SCNN1G: variants seen among roughly 807,000 people sequenced by gnomAD.
The protein encoded by SCNN1G is sodium channel epithelial 1 subunit gamma.
SCNN1G carries 27 observed loss-of-function variants against 64.6 expected under a neutral mutation model. That is an observed-to-expected ratio of 0.42 (90% CI 0.31 to 0.58). The LOEUF is 0.58. Among genes scored for constraint, SCNN1G ranks in the 20% least tolerant of loss-of-function variants. The probability of loss-of-function intolerance (pLI) is 0.18; values close to 1 mark genes in which losing one functional copy is unlikely to be tolerated. For missense variants in SCNN1G, 743 were observed against 823.4 expected (o/e 0.90, Z 1.19); for synonymous variants, 330 against 314.2 (o/e 1.05, Z -0.53).
intron 6 of SCNN1G, among the ~76,000 whole-genome samples, chr16:23,201,948 C>T: frequency 6.6e-6 from 1 of 152,172 alleles, no homozygotes; most frequent in East Asian, 1.9e-4. Context: ...TTCCAAGTAG[C>T]TGGGACCATA....
chr16:23,190,370 T>TG (rs1290426750), intron 3 of SCNN1G, among the ~76,000 whole-genome samples: 1 of 142,222 alleles, frequency 7.0e-6, no homozygotes, highest in Admixed American at 7.1e-5. Context: ...TTTTAAGTAG[T>TG]GGGGGGCAGA....
At chr16:23,189,709 G>A (rs371322647) in intron 3 of SCNN1G, 38 bp downstream of exon 3, 1 of 1,595,506 alleles carries the variant, frequency 6.3e-7, no homozygotes, top group African/African-American at 1.3e-5. Context: ...CTGCTTAGGG[G>A]CATGGGATGG....
At position 23,196,180 on chromosome 16, in the gene SCNN1G, C is replaced by G. The variant is rs146751790; in HGVS notation, c.914-1084C>G. ...GGGGGTTAGTTTGGATAAGAAGGCC[C>G]AGAAAGATCTCTAAGAGGAGGGCTA... is the stretch of plus-strand genomic sequence containing the variant. On this transcript the variant is annotated intron_variant, in intron 5 of 12. Coordinates refer to ENST00000300061, the MANE Select transcript of SCNN1G (RefSeq NM_001039.4). Among the ~76,000 whole-genome samples, 24 of 152,180 alleles carry G rather than the reference C, an allele frequency of 1.6e-4. No individual in the cohort carries two copies. The East Asian group carries it at 4.4e-3, about 28-fold the overall frequency.
Position 23,215,761 on chromosome 16 carries a change from G to C in SCNN1G, c.*292G>C, listed in dbSNP as rs1960151195. 3 of 497,952 alleles carry C rather than the reference G, an allele frequency of 6.0e-6. No homozygotes were observed. The highest frequency in any genetic ancestry group is 3.3e-5 in the Admixed American group (1 of 30,574). The allele number at this position is 497,952 out of a possible 1,614,324, so 30.8% of individuals were successfully genotyped here. Reference sequence around the variant, plus strand: ...AGCCGAGGCAGTGGTGCTGGCCCAAGTGAAGGCCAGAGTGAGGACTGATGC... The same window carrying C: ...AGCCGAGGCAGTGGTGCTGGCCCAACTGAAGGCCAGAGTGAGGACTGATGC... On this transcript the variant is annotated 3_prime_UTR_variant, in exon 13 of 13. Coordinates refer to ENST00000300061, the MANE Select transcript of SCNN1G (RefSeq NM_001039.4).
chr16:23,197,385 A>G lies in SCNN1G; in HGVS notation c.1035A>G (p.Thr345=). The change falls in exon 6 of 13, where the codon ACA becomes ACG. Residue 345 remains threonine (T), a synonymous_variant. Transcript: ENST00000300061. ...DEYPFVEDVG[T]EIETAMVTSI... is the part of the protein sequence containing the mutation. ...ATCCCTTCGTCGAAGATGTGGGAAC[A>G]GAGATTGAGACAGCAATGGTCACCT... The G allele has an allele frequency of 1.2e-6, 2 of 1,614,168 alleles. No homozygotes were observed. Among genetic ancestry groups the G allele is most frequent in the Non-Finnish European group, 1.7e-6 (2 of 1,179,980 alleles).
chr16:23,202,415 G>A (rs1449834266), intron 6 of SCNN1G, among the ~76,000 whole-genome samples: 1 of 152,060 alleles, frequency 6.6e-6, no homozygotes, highest in Non-Finnish European at 1.5e-5. Context: ...TGGATGCCCA[G>A]ACAGAAGCTA....
chr16:23,187,314 A>C (rs1275560150), intron 2 of SCNN1G, among the ~76,000 whole-genome samples: 1 of 151,718 alleles, frequency 6.6e-6, no homozygotes, highest in Non-Finnish European at 1.5e-5. Flanking sequence ...TCGCTATGTT[A>C]CTCAGGCTGG....
At position 23,212,936 on chromosome 16, in the gene SCNN1G, C is replaced by G. The variant is rs547652150; in HGVS notation, c.1431+42C>G. On this transcript the variant is annotated intron_variant, in intron 10 of 12. Transcript: ENST00000300061. ...ACCCTTCCCCACTGAAGCCCCCAGC[C>G]TGGAGCCCCACTGACATTTTTGCTG... 1.9e-6 allele frequency: 3 copies of G among 1,598,580 alleles called. No individual in the cohort carries two copies. In the East Asian group the frequency reaches 6.7e-5, roughly 36 times the overall value.
At chr16:23,197,541 G>A (rs748479031) in intron 6 of SCNN1G, 114 bp downstream of exon 6, 6 of 950,796 alleles carry the variant, frequency 6.3e-6, no homozygotes, top group South Asian at 1.4e-5. Context: ...AAGGGAACAT[G>A]GTCCCAGATT....
intron 3 of SCNN1G, 125 bp downstream of exon 3, chr16:23,189,796 A>G (rs1254803791): frequency 1.0e-6 from 1 of 966,922 alleles, no homozygotes; most frequent in Non-Finnish European, 1.7e-6. Flanking sequence ...CTGGGGTCAG[A>G]CACAGTGACT....
intron 2 of SCNN1G, 96 bp downstream of exon 2, chr16:23,186,684 C>T: frequency 9.7e-7 from 1 of 1,028,126 alleles, no homozygotes; most frequent in Non-Finnish European, 1.5e-6. Flanking sequence ...GCCTGGAGGT[C>T]GATTCCAGCC....
At chr16:23,192,607 C>A in intron 4 of SCNN1G, 65 bp downstream of exon 4, 1 of 1,303,568 alleles carries the variant, frequency 7.7e-7, no homozygotes, top group South Asian at 1.2e-5. Context: ...AGGCCCCTTG[C>A]AGGAACCTAC....
At chr16:23,194,008 A>G (rs1277640745) in intron 4 of SCNN1G, among the ~76,000 whole-genome samples, 163 bp from the exon 5 acceptor site, 1 of 152,168 alleles carries the variant, frequency 6.6e-6, no homozygotes, top group African/African-American at 2.4e-5. Flanking sequence ...AACCAGGATG[A>G]GGGGCCTTGT....
chr16:23,205,333 C>T (rs1379527793), intron 6 of SCNN1G, among the ~76,000 whole-genome samples: 1 of 152,042 alleles, frequency 6.6e-6, no homozygotes, highest in South Asian at 2.1e-4. Flanking sequence ...CGCCCACGGT[C>T]AGAGGAGACC....
intron 5 of SCNN1G, chr16:23,195,059 T>C (rs1261215716): frequency 1.3e-5 from 2 of 152,180 alleles, no homozygotes; most frequent in African/African-American, 4.8e-5. Context: ...GTGATGTCTC[T>C]TCCTCTTCTG....
chr16:23,188,899 C>A (rs1323297598), intron 2 of SCNN1G, among the ~76,000 whole-genome samples: 2 of 151,972 alleles, frequency 1.3e-5, no homozygotes, highest in Non-Finnish European at 2.9e-5. Context: ...TGGGGGTCAT[C>A]GAGGTAACAG....
chr16:23,193,684 A>G (rs1177585611), intron 4 of SCNN1G, among the ~76,000 whole-genome samples: 1 of 152,056 alleles, frequency 6.6e-6, no homozygotes, highest in Non-Finnish European at 1.5e-5. Context: ...ATAAAATAAA[A>G]CACTAAGCCT....
intron 6 of SCNN1G, among the ~76,000 whole-genome samples, chr16:23,208,347 C>CT (rs1224073057): frequency 6.6e-6 from 1 of 151,186 alleles, no homozygotes; most frequent in African/African-American, 2.4e-5. Context: ...ACCCTCATCT[C>CT]TAAAAAAAAA....
At position 23,186,493 on chromosome 16, in the gene SCNN1G, C is replaced by G. The variant is rs772026796; in HGVS notation, c.222C>G (p.Leu74=). 3 of 1,614,094 alleles carry G rather than the reference C, an allele frequency of 1.9e-6. No homozygotes were observed. The highest frequency in any genetic ancestry group is 1.7e-5 in the Admixed American group (1 of 60,032). ...VALILWQCAL[L]VFSFYTVSVS... The stretch of plus-strand genomic sequence containing the variant: ...TCATCCTCTGGCAGTGCGCCCTCCT[C>G]GTCTTCTCCTTCTATACTGTCTCAG... The change falls in exon 2 of 13, where the codon CTC becomes CTG. Residue 74 remains leucine, a synonymous_variant. Coordinates refer to ENST00000300061, the MANE Select transcript of SCNN1G (RefSeq NM_001039.4).
Sources: gnomAD v4.1 joint callset for allele counts (sites outside exome capture counted in the v4.1 genomes callset) on GRCh38, gnomAD v4.1.1 for gene constraint, MANE v1.5 for transcripts, NCBI Gene and HGNC (gene_info 2026-07-23, HGNC 2026-07-21) for gene names.